Variants in CCSER1 observed in about 807,000 individuals in gnomAD.
CCSER1 encodes serine-rich coiled-coil domain-containing protein 1.
Under a neutral mutation model 82.0 loss-of-function variants are expected in CCSER1, and 41 were observed. The ratio of observed to expected loss-of-function variants is 0.50; its 90% CI spans 0.39 to 0.65. The LOEUF is 0.65. Among genes scored for constraint, CCSER1 ranks in the 30% least tolerant of loss-of-function variants. The probability of loss-of-function intolerance (pLI) is 0.00; values close to 1 mark genes in which losing one functional copy is unlikely to be tolerated. For missense variants in CCSER1, 1,119 were observed against 1,064.2 expected (o/e 1.05, Z -0.72); for synonymous variants, 414 against 383.9 (o/e 1.08, Z -0.92).
chr4:90,915,907 A>AT (rs1278642636), intron 8 of CCSER1, among the ~76,000 whole-genome samples: 2 of 152,098 alleles, frequency 1.3e-5, no homozygotes, highest in African/African-American at 2.4e-5. Context: ...GTGAACTCCC[A>AT]TTCACAATTG....
chr4:91,486,808 G>A (rs1313275283), intron 10 of CCSER1, among the ~76,000 whole-genome samples: 2 of 152,008 alleles, frequency 1.3e-5, no homozygotes, highest in African/African-American at 4.8e-5. Context: ...TCTGGAACCA[G>A]TTGCCCTGGG....
chr4:91,178,334 G>A (rs999201596), intron 10 of CCSER1, among the ~76,000 whole-genome samples: 1 of 152,088 alleles, frequency 6.6e-6, no homozygotes, highest in African/African-American at 2.4e-5. Context: ...GGTCTGCTTG[G>A]TGCAGAGCTG....
rs771587000 is a variant in CCSER1, at chr4:90,136,906, C to T, written c.-42+9075C>T. Among the ~76,000 whole-genome samples, 7 of 152,208 alleles carry T rather than the reference C, an allele frequency of 4.6e-5. No individual in the cohort carries two copies. The East Asian group carries it at 9.7e-4, about 21-fold the overall frequency. On this transcript the variant is annotated intron_variant, in intron 1 of 10. Transcript: ENST00000509176. ...GAAAATACTAGCTCTAAACAAGACCCAAATTCATTGTTATAAATATAAATT... is the reference window on the plus strand; with the variant it reads ...GAAAATACTAGCTCTAAACAAGACCTAAATTCATTGTTATAAATATAAATT...
chr4:91,485,650 A>G (rs1189388860), intron 10 of CCSER1, among the ~76,000 whole-genome samples: 1 of 152,172 alleles, frequency 6.6e-6, no homozygotes, highest in East Asian at 1.9e-4. Flanking sequence ...TGTGTTGTCA[A>G]AACATTTCTG....
chr4:90,327,255 T>C (rs545549554), intron 3 of CCSER1, among the ~76,000 whole-genome samples: 1 of 152,148 alleles, frequency 6.6e-6, no homozygotes, highest in South Asian at 2.1e-4. Context: ...TCCCCCTCAC[T>C]TGTATTTTTA....
At position 90,670,784 on chromosome 4, in the gene CCSER1, C is replaced by T. The variant is rs180764887; in HGVS notation, c.1932+42552C>T. Among the ~76,000 whole-genome samples the T allele has an allele frequency of 9.6e-4, 146 of 152,042 alleles. 3 individuals are homozygous for T. The Middle Eastern group carries it at 0.038, about 39-fold the overall frequency. The stretch of plus-strand genomic sequence containing the variant: ...TTAGCTACTGAAAAGTAATAGTGAA[C>T]TATTATTAATATATTTAAAAAAAAT... On this transcript the variant is annotated intron_variant, in intron 6 of 10. Transcript: ENST00000509176.
intron 6 of CCSER1, chr4:90,649,677 T>C (rs1166929490): frequency 6.6e-6 from 1 of 152,246 alleles, no homozygotes; most frequent in African/African-American, 2.4e-5. Flanking sequence ...TATTTTGTTA[T>C]AGCAGCCCAA....
intron 10 of CCSER1, among the ~76,000 whole-genome samples, chr4:91,401,913 C>A (rs976940622): frequency 3.9e-5 from 6 of 152,078 alleles, no homozygotes; most frequent in African/African-American, 1.2e-4. Context: ...GGGTATATAC[C>A]CAGTAATGGG....
Position 90,547,018 on chromosome 4 carries a change from A to G in CCSER1, c.1724+78664A>G, listed in dbSNP as rs1027725103. 6.6e-5 allele frequency among the ~76,000 whole-genome samples: 10 copies of G among 152,102 alleles called. 1 individual carries two copies. In the South Asian group the frequency reaches 1.4e-3, roughly 22 times the overall value. On this transcript the variant is annotated intron_variant, in intron 5 of 10. Coordinates refer to ENST00000509176, the MANE Select transcript of CCSER1 (RefSeq NM_001145065.2). ...GGCTGTCATGTTTTGATTAAGCATA[A>G]GCTTTAATAGATTTGCTGGAATAAT... is the stretch of plus-strand genomic sequence containing the variant.
chr4:90,470,786 A>AAAAAAAAAAT (rs1353046077), intron 5 of CCSER1, among the ~76,000 whole-genome samples: 1 of 151,112 alleles, frequency 6.6e-6, no homozygotes, highest in African/African-American at 2.4e-5. Flanking sequence ...AAAAAACAAA[A>AAAAAAAAAAT]CACCCAGATT....
At chr4:90,574,535 T>A (rs1309654572) in intron 5 of CCSER1, among the ~76,000 whole-genome samples, 1 of 151,814 alleles carries the variant, frequency 6.6e-6, no homozygotes, top group Non-Finnish European at 1.5e-5. Context: ...CCCAAAGTGC[T>A]GGGATTACAG....
At chr4:90,640,671 G>A (rs1325280496) in intron 6 of CCSER1, among the ~76,000 whole-genome samples, 3 of 152,114 alleles carry the variant, frequency 2.0e-5, no homozygotes, top group Non-Finnish European at 4.4e-5. Context: ...GAATCATGGG[G>A]ATGATTTCTC....
chr4:90,655,291 C>T (rs974760100), intron 6 of CCSER1, among the ~76,000 whole-genome samples: 1 of 151,888 alleles, frequency 6.6e-6, no homozygotes, highest in Non-Finnish European at 1.5e-5. Context: ...AATTATCCTC[C>T]TGGTTTGATG....
intron 6 of CCSER1, among the ~76,000 whole-genome samples, chr4:90,697,305 G>T (rs765263621): frequency 6.6e-6 from 1 of 152,094 alleles, no homozygotes; most frequent in Non-Finnish European, 1.5e-5. Flanking sequence ...AGAAGCCTGC[G>T]CAAGATTGTA....
At chr4:90,670,617 C>T (rs1179460746) in intron 6 of CCSER1, among the ~76,000 whole-genome samples, 1 of 152,026 alleles carries the variant, frequency 6.6e-6, no homozygotes, top group East Asian at 1.9e-4. Context: ...CAGCAGCCAA[C>T]ACTCACAGCA....
chr4:90,608,557 A>G (rs1250517299), intron 5 of CCSER1, among the ~76,000 whole-genome samples: 6 of 152,188 alleles, frequency 3.9e-5, no homozygotes, highest in Non-Finnish European at 8.8e-5. Context: ...AGGGAGTGGA[A>G]TCTTAGAGGC....
At chr4:91,479,586 A>T (rs1397621810) in intron 10 of CCSER1, among the ~76,000 whole-genome samples, 1 of 151,812 alleles carries the variant, frequency 6.6e-6, no homozygotes, top group East Asian at 1.9e-4. Context: ...TTGAGTCTCA[A>T]TTTTTTAGTG....
At chr4:90,395,971 C>G (rs985336142) in intron 3 of CCSER1, among the ~76,000 whole-genome samples, 3 of 151,572 alleles carry the variant, frequency 2.0e-5, no homozygotes, top group Non-Finnish European at 2.9e-5. Context: ...ATCCCAGCTA[C>G]TCTGGAGGCT....
intron 4 of CCSER1, among the ~76,000 whole-genome samples, chr4:90,453,076 T>A (rs1761692533): frequency 6.6e-6 from 1 of 152,152 alleles, no homozygotes; most frequent in Non-Finnish European, 1.5e-5. Context: ...CTCAGAGAGA[T>A]CTTTTGACAC....
Sources: allele counts gnomAD v4.1 joint callset (sites outside exome capture counted in the v4.1 genomes callset), GRCh38; gene constraint gnomAD v4.1.1; transcripts MANE v1.5; gene names NCBI Gene and HGNC (gene_info 2026-07-23, HGNC 2026-07-21).